TSPAN6: variants seen among roughly 807,000 people sequenced by gnomAD.
The protein encoded by TSPAN6 is tetraspanin-6.
Under a neutral mutation model 18.0 loss-of-function variants are expected in TSPAN6, and 13 were observed. The ratio of observed to expected loss-of-function variants is 0.72; its 90% confidence interval spans 0.47 to 1.15. The LOEUF (loss-of-function observed/expected upper bound fraction) is 1.15. Among genes scored for constraint, TSPAN6 ranks in the 50% most tolerant of loss-of-function variants. The pLI is 0.00. For synonymous variants in TSPAN6, 82 were observed against 67.0 expected, an observed-to-expected ratio of 1.22 and a Z score of -1.09; for missense variants, 186 against 183.9, an observed-to-expected ratio of 1.01 and a Z score of -0.07.
In TSPAN6 at chrX:100,633,518, C is replaced by A. The variant is rs777571204; in HGVS notation, c.472G>T (p.Asp158Tyr). Residue 158 changes from aspartate (D) to tyrosine (Y), a missense_variant, in exon 5 of 8, where the codon GAT becomes TAT. Coordinates refer to ENST00000373020, the MANE Select transcript of TSPAN6 (RefSeq NM_003270.4). ...QNTLHCCGVT[D>Y]YRDWTDTNYY... ...TTAGTATCTGTCCAATCTCTATAAT[C>A]GGTGACACCACAACAATGCAACTGA... is the stretch of plus-strand genomic sequence containing the variant. 2 of 1,200,701 alleles carry A rather than the reference C, an allele frequency of 1.7e-6. No individual in the cohort carries two copies. Among genetic ancestry groups the A allele is most frequent in the East Asian group, 3.0e-5 (1 of 33,670 alleles).
Position 100,633,557 on chromosome X carries a change from A to G in TSPAN6, c.451-18T>C, listed in dbSNP as rs1436699755. On this transcript the variant is annotated intron_variant, in intron 4 of 7. Transcript: ENST00000373020. Reference sequence around the variant, plus strand: ...CAATGCAACTGAAAAACCCAACAAAAGCATTTACAGTTTATATTACAACTT... The same window carrying G: ...CAATGCAACTGAAAAACCCAACAAAGGCATTTACAGTTTATATTACAACTT... The G allele has an allele frequency of 8.5e-7, 1 of 1,175,440 alleles. No homozygotes were observed. Among genetic ancestry groups the G allele is most frequent in the East Asian group, 3.0e-5 (1 of 33,415 alleles).
chrX:100,627,668 C>T lies in TSPAN6; in HGVS notation c.*2358G>A, dbSNP rs971961939. The T allele has an allele frequency of 2.7e-5, 3 of 112,004 alleles. No homozygotes were observed. Among genetic ancestry groups the T allele is most frequent in the African/African-American group, 6.5e-5 (2 of 30,794 alleles). The allele number at this position is 112,004 out of a possible 1,213,427, so 9.2% of individuals were successfully genotyped here. A position where few individuals can be genotyped will look rare whatever the true frequency, so the allele number is the denominator to read the frequency against. Reference sequence around the variant, plus strand: ...CACAAGCACACATCAGCTATAAGGGCGTTTTCTAACTGGCTATCCAAAATA... The same window carrying T: ...CACAAGCACACATCAGCTATAAGGGTGTTTTCTAACTGGCTATCCAAAATA... On this transcript the variant is annotated 3_prime_UTR_variant, in exon 8 of 8. Coordinates refer to ENST00000373020, the MANE Select transcript of TSPAN6 (RefSeq NM_003270.4).
intron 3 of TSPAN6, among the ~76,000 whole-genome samples, chrX:100,634,643 C>A (rs1016727362): frequency 3.1e-4 from 34 of 110,455 alleles, no homozygotes; most frequent in Admixed American, 2.4e-3. Context: ...AGGCACCTAC[C>A]ACCACGCCCG....
intron 3 of TSPAN6, 25 bp from the exon 4 acceptor site, chrX:100,634,054 G>A (rs1292523156): frequency 1.8e-6 from 2 of 1,092,121 alleles, no homozygotes; most frequent in Non-Finnish European, 2.5e-6. Context: ...CACAATGTCA[G>A]TAAGAAAATC....
In TSPAN6 at chrX:100,636,752, G is replaced by C; in HGVS notation, c.-58C>G. 8.9e-7 allele frequency: 1 copy of C among 1,128,456 alleles called. No homozygotes were observed. Among genetic ancestry groups the C allele is most frequent in the Admixed American group, 2.8e-5 (1 of 36,285 alleles). 93.0% of individuals were successfully genotyped at this position (1,128,456 alleles called of 1,213,427 possible). A position where few individuals can be genotyped will look rare whatever the true frequency, so the allele number is the denominator to read the frequency against. On this transcript the variant is annotated 5_prime_UTR_variant, in exon 1 of 8. Coordinates refer to ENST00000373020, the MANE Select transcript of TSPAN6 (RefSeq NM_003270.4). Reference sequence around the variant, plus strand: ...GCGATTGGAACACAGAGAGCGAGACGCGGAGTCCCCGAGTCTCCCCGGAAA... The same window carrying C: ...GCGATTGGAACACAGAGAGCGAGACCCGGAGTCCCCGAGTCTCCCCGGAAA...
chrX:100,635,210 C>T lies in TSPAN6; in HGVS notation c.319G>A (p.Ala107Thr), dbSNP rs200238785. ...CTGAAAACAAATCCTACGATGGCAG[C>T]GACCAGTTCGACCAAAAAAACGAGA... ...LTLVFLVELV[A>T]AIVGFVFRHE... Residue 107 changes from alanine to threonine, a missense_variant, in exon 3 of 8, where the codon GCT becomes ACT. Physicochemically the swap from Ala to Thr is moderately conservative, Grantham distance 58. Transcript: ENST00000373020. 7 of 1,197,018 alleles carry T rather than the reference C, an allele frequency of 5.8e-6. No homozygotes were observed. The highest frequency in any genetic ancestry group is 7.9e-6 in the Non-Finnish European group (7 of 887,050).
chrX:100,636,082 A>G, intron 1 of TSPAN6: 1 of 681,570 alleles, frequency 1.5e-6, no homozygotes, highest in Non-Finnish European at 1.8e-6. Flanking sequence ...TGAGTTCCAG[A>G]AACTTCCCCC....
intron 3 of TSPAN6, among the ~76,000 whole-genome samples, chrX:100,634,346 A>G (rs1410524908): frequency 5.4e-5 from 6 of 111,822 alleles, no homozygotes; most frequent in Non-Finnish European, 1.1e-4. Flanking sequence ...ACTGAGTTCA[A>G]ATTCGATGCC....
rs2083090315 is a variant in TSPAN6 at position 100,635,761 on chromosome X, A to T, written c.88-15T>A. 8.7e-7 allele frequency: 1 copy of T among 1,145,354 alleles called. No individual in the cohort carries two copies. Among genetic ancestry groups the T allele is most frequent in the Non-Finnish European group, 1.2e-6 (1 of 855,645 alleles). The allele number at this position is 1,145,354 out of a possible 1,213,427, so 94.4% of individuals were successfully genotyped here. A position where few individuals can be genotyped will look rare whatever the true frequency, so the allele number is the denominator to read the frequency against. Reference sequence around the variant, plus strand: ...ACGCCAGTGATCTATGTGGGAATTCAGAGAATACAAACAGTTACGCACTGT... The same window carrying T: ...ACGCCAGTGATCTATGTGGGAATTCTGAGAATACAAACAGTTACGCACTGT... On this transcript the variant is annotated splice_polypyrimidine_tract_variant and intron_variant, in intron 1 of 7. Transcript: ENST00000373020.
At position 100,635,220 on chromosome X, in the gene TSPAN6, G is replaced by A. The variant is rs762341104; in HGVS notation, c.309C>T (p.Val103=). 19 of 1,196,862 alleles carry A rather than the reference G, an allele frequency of 1.6e-5. No individual in the cohort carries two copies. The highest frequency in any genetic ancestry group is 5.3e-5 in the African/African-American group (3 of 56,457). Residue 103 remains valine, a synonymous_variant, in exon 3 of 8, where the codon GTC becomes GTT. Coordinates refer to ENST00000373020, the MANE Select transcript of TSPAN6 (RefSeq NM_003270.4). ...YAMFLTLVFL[V]ELVAAIVGFV... Reference sequence around the variant, plus strand: ...ATCCTACGATGGCAGCGACCAGTTCGACCAAAAAAACGAGAGTCAGAAACA... The same window carrying A: ...ATCCTACGATGGCAGCGACCAGTTCAACCAAAAAAACGAGAGTCAGAAACA...
chrX:100,635,611 C>T lies in TSPAN6; in HGVS notation c.223G>A (p.Gly75Ser). The T allele has an allele frequency of 8.3e-7, 1 of 1,201,429 alleles. No homozygotes were observed. Among genetic ancestry groups the T allele is most frequent in the Non-Finnish European group, 1.1e-6 (1 of 889,594 alleles). Reference protein sequence around the residue: ...IATGTVIILLGTFGCFATCRA... With the variant: ...IATGTVIILLSTFGCFATCRA... ...CAGGTAGCAAAACAACCAAAGGTGC[C>T]CAAAAGAATAATGACGGTACCAGTA... Residue 75 changes from glycine to serine, a missense_variant, in exon 2 of 8, where the codon GGC becomes AGC. Transcript: ENST00000373020.
rs1389287593 is a variant in TSPAN6 at position 100,627,342 on chromosome X, T to C, written c.*2684A>G. Reference sequence around the variant, plus strand: ...AATTATTTTAAACATAGATATATAGTGAAGTAAAATGTAAAATTCTCCAGA... The same window carrying C: ...AATTATTTTAAACATAGATATATAGCGAAGTAAAATGTAAAATTCTCCAGA... On this transcript the variant is annotated 3_prime_UTR_variant, in exon 8 of 8. Coordinates refer to ENST00000373020, the MANE Select transcript of TSPAN6 (RefSeq NM_003270.4). 1 of 111,865 alleles carries C rather than the reference T, an allele frequency of 8.9e-6. No individual in the cohort carries two copies. Among genetic ancestry groups the C allele is most frequent in the African/African-American group, 3.3e-5 (1 of 30,749 alleles). 9.2% of individuals were successfully genotyped at this position (111,865 alleles called of 1,213,427 possible). A position where few individuals can be genotyped will look rare whatever the true frequency, so the allele number is the denominator to read the frequency against.
chrX:100,628,020 C>A lies in TSPAN6; in HGVS notation c.*2006G>T, dbSNP rs1051439420. On this transcript the variant is annotated 3_prime_UTR_variant, in exon 8 of 8. Coordinates refer to ENST00000373020, the MANE Select transcript of TSPAN6 (RefSeq NM_003270.4). ...AGAGACGGTGTTTTACCATGTTGGC[C>A]AGGCTGGTCTAGAACTCCTGACCTC... is the stretch of plus-strand genomic sequence containing the variant. The A allele has an allele frequency of 3.6e-5, 4 of 110,554 alleles. No individual in the cohort carries two copies. Among genetic ancestry groups the A allele is most frequent in the African/African-American group, 1.3e-4 (4 of 30,350 alleles). 9.1% of individuals were successfully genotyped at this position (110,554 alleles called of 1,213,427 possible).
chrX:100,636,050 G>A, intron 1 of TSPAN6: 1 of 562,840 alleles, frequency 1.8e-6, no homozygotes, highest in Non-Finnish European at 2.3e-6. Flanking sequence ...ACCTTGAAGG[G>A]GAAAAAAAAA....
intron 3 of TSPAN6, among the ~76,000 whole-genome samples, chrX:100,634,448 A>C (rs1602707433): frequency 9.0e-6 from 1 of 111,197 alleles, no homozygotes; most frequent in East Asian, 2.8e-4. Flanking sequence ...TACTCACCGA[A>C]TGTTATTTGA....
Position 100,629,108 on chromosome X carries a change from C to T in TSPAN6, c.*918G>A. 1 of 111,669 alleles carries T rather than the reference C, an allele frequency of 9.0e-6. No individual in the cohort carries two copies. Among genetic ancestry groups the T allele is most frequent in the Non-Finnish European group, 1.9e-5 (1 of 53,134 alleles). The allele number at this position is 111,669 out of a possible 1,213,427, so 9.2% of individuals were successfully genotyped here. ...AACGAAAACTAAGACTTAAAGTTGACCATAATATTGACAAGTCATATCAAC... is the reference window on the plus strand; with the variant it reads ...AACGAAAACTAAGACTTAAAGTTGATCATAATATTGACAAGTCATATCAAC... On this transcript the variant is annotated 3_prime_UTR_variant, in exon 8 of 8. Coordinates refer to ENST00000373020, the MANE Select transcript of TSPAN6 (RefSeq NM_003270.4).
chrX:100,634,093 A>G (rs998286811), intron 3 of TSPAN6, 64 bp from the exon 4 acceptor site: 15 of 737,408 alleles, frequency 2.0e-5, no homozygotes, highest in South Asian at 7.1e-5. Context: ...TTCAGGTCAA[A>G]TAAGTTCTCG....
intron 3 of TSPAN6, among the ~76,000 whole-genome samples, chrX:100,634,795 G>A (rs1335129665): frequency 8.9e-6 from 1 of 111,747 alleles, no homozygotes; most frequent in Non-Finnish European, 1.9e-5. Flanking sequence ...CAACGCGCCC[G>A]GCCCAATATT....
intron 6 of TSPAN6, chrX:100,632,192 G>A (rs2083064186): frequency 3.9e-6 from 1 of 257,060 alleles, no homozygotes; most frequent in African/African-American, 2.9e-5. Flanking sequence ...ATCACTTGAG[G>A]TCAGGTGTTC....
Sources: gnomAD v4.1 joint callset for allele counts (sites outside exome capture counted in the v4.1 genomes callset) on GRCh38, gnomAD v4.1.1 for gene constraint, MANE v1.5 for transcripts, NCBI Gene and HGNC (gene_info 2026-07-23, HGNC 2026-07-21) for gene names.